LRRTM3: variants seen among roughly 807,000 people sequenced by gnomAD.
LRRTM3 encodes the protein leucine-rich repeat transmembrane neuronal protein 3.
Under a neutral mutation model 44.7 loss-of-function variants are expected in LRRTM3, and 24 were observed. That is an observed-to-expected ratio of 0.54 (90% CI 0.39 to 0.76). The LOEUF (loss-of-function observed/expected upper bound fraction) is 0.76, where lower values mean the gene tolerates loss of function less well. Ranked by LOEUF, LRRTM3 falls within the 30% of genes least tolerant of loss-of-function variation. The pLI is 0.00. For missense variants in LRRTM3, 587 were observed against 702.2 expected, an observed-to-expected ratio of 0.84 and a Z score of 1.85; for synonymous variants, 277 against 278.7, an observed-to-expected ratio of 0.99 and a Z score of 0.06.
At chr10:67,065,504 C>A (rs1267865267) in intron 2 of LRRTM3, among the ~76,000 whole-genome samples, 1 of 152,116 alleles carries the variant, frequency 6.6e-6, no homozygotes, top group African/African-American at 2.4e-5. Flanking sequence ...TAGCTTCCCA[C>A]CACATCTGTT....
intron 2 of LRRTM3, among the ~76,000 whole-genome samples, chr10:67,010,597 A>G (rs59743645): frequency 0.016 from 2,473 of 152,250 alleles, 85 homozygotes; most frequent in African/African-American, 0.056. Flanking sequence ...AAGAAAACAG[A>G]AGCATCTTTA....
At chr10:67,008,044 T>A (rs1204066322) in intron 2 of LRRTM3, among the ~76,000 whole-genome samples, 1 of 152,002 alleles carries the variant, frequency 6.6e-6, no homozygotes, top group East Asian at 1.9e-4. Flanking sequence ...ATGAAATTAA[T>A]GAATTTACTA....
At chr10:67,064,502 T>C (rs921267104) in intron 2 of LRRTM3, among the ~76,000 whole-genome samples, 1 of 152,226 alleles carries the variant, frequency 6.6e-6, no homozygotes, top group African/African-American at 2.4e-5. Context: ...TTACATCATC[T>C]ATAGACACTG....
chr10:66,989,876 T>A (rs915838660), intron 2 of LRRTM3, among the ~76,000 whole-genome samples: 3 of 152,152 alleles, frequency 2.0e-5, no homozygotes, highest in Non-Finnish European at 4.4e-5. Context: ...TCTATGATTA[T>A]TTAGCGGCAA....
intron 2 of LRRTM3, among the ~76,000 whole-genome samples, chr10:67,033,864 G>T (rs1399784387): frequency 6.6e-6 from 1 of 152,060 alleles, no homozygotes. Flanking sequence ...TCTGCCTCCC[G>T]GGTTCAAGCA....
intron 2 of LRRTM3, among the ~76,000 whole-genome samples, chr10:67,023,288 A>G (rs1853144628): frequency 6.6e-6 from 1 of 152,146 alleles, no homozygotes; most frequent in East Asian, 1.9e-4. Context: ...AGGGAATGTG[A>G]AACTGCTGAA....
chr10:66,969,305 T>C (rs1430866120), intron 2 of LRRTM3, among the ~76,000 whole-genome samples: 1 of 152,140 alleles, frequency 6.6e-6, no homozygotes, highest in Non-Finnish European at 1.5e-5. Context: ...AACTTATCAT[T>C]ACATTGTGAA....
intron 2 of LRRTM3, among the ~76,000 whole-genome samples, chr10:66,949,426 C>A (rs1415548844): frequency 6.6e-6 from 1 of 152,128 alleles, no homozygotes; most frequent in Non-Finnish European, 1.5e-5. Flanking sequence ...GGCGTGTTGG[C>A]ATATGCCTGT....
At chr10:67,020,340 C>G (rs1011988030) in intron 2 of LRRTM3, among the ~76,000 whole-genome samples, 1 of 152,222 alleles carries the variant, frequency 6.6e-6, no homozygotes, top group Admixed American at 6.5e-5. Context: ...AGCACAAGGG[C>G]TTCTTTATAT....
At chr10:66,993,592 T>C (rs1427608069) in intron 2 of LRRTM3, among the ~76,000 whole-genome samples, 1 of 151,964 alleles carries the variant, frequency 6.6e-6, no homozygotes, top group Non-Finnish European at 1.5e-5. Context: ...TCTGGTTCCA[T>C]CCAAATTTTA....
chr10:66,996,782 A>G (rs1851377669), intron 2 of LRRTM3, among the ~76,000 whole-genome samples: 2 of 151,782 alleles, frequency 1.3e-5, no homozygotes, highest in Admixed American at 1.3e-4. Flanking sequence ...GTGCAAAAAT[A>G]TTATCTAAAG....
chr10:67,048,825 T>A (rs986324723), intron 2 of LRRTM3, among the ~76,000 whole-genome samples: 1 of 152,118 alleles, frequency 6.6e-6, no homozygotes, highest in Admixed American at 6.5e-5. Flanking sequence ...AGTAACATGA[T>A]GTCTCACCGT....
chr10:67,094,327 C>A (rs1013352658), intron 2 of LRRTM3, among the ~76,000 whole-genome samples: 9 of 151,726 alleles, frequency 5.9e-5, no homozygotes, highest in African/African-American at 2.2e-4. Context: ...ATAGCATAGC[C>A]TTTTAATGTC....
intron 2 of LRRTM3, among the ~76,000 whole-genome samples, chr10:67,084,264 C>G (rs1439382321): frequency 6.6e-6 from 1 of 151,876 alleles, no homozygotes; most frequent in East Asian, 1.9e-4. Flanking sequence ...AAATCTACAC[C>G]TGGAGTGAGA....
At chr10:66,986,588 T>C (rs1432431368) in intron 2 of LRRTM3, among the ~76,000 whole-genome samples, 1 of 152,154 alleles carries the variant, frequency 6.6e-6, no homozygotes, top group Non-Finnish European at 1.5e-5. Context: ...GGAAATACTC[T>C]GTAGTTTATA....
chr10:67,084,550 A>C (rs1857205683), intron 2 of LRRTM3, among the ~76,000 whole-genome samples: 1 of 151,978 alleles, frequency 6.6e-6, no homozygotes, highest in Non-Finnish European at 1.5e-5. Context: ...CACCCTTTAG[A>C]TTAGAAAATT....
intron 2 of LRRTM3, among the ~76,000 whole-genome samples, chr10:67,074,437 A>G (rs2147888): frequency 0.65 from 93,745 of 143,824 alleles, 31,322 homozygotes; most frequent in African/African-American, 0.87. Flanking sequence ...TGCAAGCTCC[A>G]CCTCCCGGGT....
chr10:66,938,219 T>C (rs958594617), intron 2 of LRRTM3, among the ~76,000 whole-genome samples: 3 of 152,118 alleles, frequency 2.0e-5, no homozygotes, highest in Non-Finnish European at 4.4e-5. Context: ...ACTCTTCTCA[T>C]TTACCATTTA....
intron 2 of LRRTM3, among the ~76,000 whole-genome samples, chr10:67,046,166 T>C (rs1854731470): frequency 6.6e-6 from 1 of 152,216 alleles, no homozygotes; most frequent in African/African-American, 2.4e-5. Context: ...ATCCATTTCA[T>C]ATTAGAATGT....
Sources: gnomAD v4.1 joint callset for allele counts (sites outside exome capture counted in the v4.1 genomes callset) on GRCh38, gnomAD v4.1.1 for gene constraint, MANE v1.5 for transcripts, NCBI Gene and HGNC (gene_info 2026-07-23, HGNC 2026-07-21) for gene names.